Variants in SGCZ observed in about 807,000 individuals in gnomAD.
SGCZ encodes zeta-sarcoglycan.
In SGCZ, 40 loss-of-function variants were observed where a neutral mutation model predicts 41.3. That is an observed-to-expected ratio of 0.97 (90% CI 0.75 to 1.26). The LOEUF (loss-of-function observed/expected upper bound fraction) is 1.26. Among genes scored for constraint, SGCZ ranks in the 50% most tolerant of loss-of-function variants. The pLI is 0.00. For synonymous variants in SGCZ, 206 were observed against 137.5 expected, an observed-to-expected ratio of 1.50 and a Z score of -3.49; for missense variants, 552 against 369.8, an observed-to-expected ratio of 1.49 and a Z score of -4.04.
intron 2 of SGCZ, among the ~76,000 whole-genome samples, chr8:14,504,186 AGGAAAATT>A (rs1802237198): frequency 6.6e-6 from 1 of 152,218 alleles, no homozygotes; most frequent in Non-Finnish European, 1.5e-5. Context: ...CTGCTACAAG[AGGAAAATT>A]CAATTTGCCT....
At chr8:14,533,033 T>G (rs930524319) in intron 2 of SGCZ, among the ~76,000 whole-genome samples, 1 of 152,084 alleles carries the variant, frequency 6.6e-6, no homozygotes, top group Non-Finnish European at 1.5e-5. Flanking sequence ...CTAGTGTACA[T>G]GTGCACAAGG....
In SGCZ at chr8:14,679,515, T is replaced by C. The variant is rs571306766; in HGVS notation, c.40-124589A>G. 5.0e-3 allele frequency among the ~76,000 whole-genome samples: 490 copies of C among 97,324 alleles called. 4 individuals are homozygous for C. Among genetic ancestry groups the C allele is most frequent in the African/African-American group, 0.014 (463 of 33,670 alleles). 63.8% of individuals were successfully genotyped at this position (97,324 alleles called of 152,430 possible). On this transcript the variant is annotated intron_variant, in intron 1 of 7. Coordinates refer to ENST00000382080, the MANE Select transcript of SGCZ (RefSeq NM_139167.4). ...TATATATACATATATATTATATATA[T>C]ACACACATATATGTGCTTATAAAAT... is the stretch of plus-strand genomic sequence containing the variant.
In SGCZ at chr8:14,693,583, T is replaced by A. The variant is rs975015379; in HGVS notation, c.40-138657A>T. Among the ~76,000 whole-genome samples, 127 of 13,526 alleles carry A rather than the reference T, an allele frequency of 9.4e-3. 2 individuals are homozygous for A. Among genetic ancestry groups the A allele is most frequent in the East Asian group, 0.093 (115 of 1,232 alleles). The allele number at this position is 13,526 out of a possible 152,430, so 8.9% of individuals were successfully genotyped here. On this transcript the variant is annotated intron_variant, in intron 1 of 7. Coordinates refer to ENST00000382080, the MANE Select transcript of SGCZ (RefSeq NM_139167.4). ...ACAGGCGTCAGCTACCACGACTGGC[T>A]TTTTTTTTTTTTTTTTTTTTTTTTT...
At chr8:14,782,394 G>T (rs116123777) in intron 1 of SGCZ, among the ~76,000 whole-genome samples, 1 of 151,968 alleles carries the variant, frequency 6.6e-6, no homozygotes, top group Non-Finnish European at 1.5e-5. Flanking sequence ...GTTTTGTCTT[G>T]TTTTGTTTTT....
intron 1 of SGCZ, among the ~76,000 whole-genome samples, chr8:15,090,196 AG>A (rs1277236745): frequency 1.8e-4 from 28 of 152,240 alleles, no homozygotes; most frequent in African/African-American, 6.3e-4. Flanking sequence ...AAGCAAATTT[AG>A]TCTGTTACAA....
intron 2 of SGCZ, among the ~76,000 whole-genome samples, chr8:14,540,533 G>A (rs991983449): frequency 3.3e-5 from 5 of 149,966 alleles, no homozygotes; most frequent in African/African-American, 9.8e-5. Context: ...AGATTTTGGG[G>A]GTTGTTTCAA....
intron 1 of SGCZ, among the ~76,000 whole-genome samples, chr8:14,573,232 C>G (rs973254376): frequency 2.6e-5 from 3 of 114,250 alleles, no homozygotes; most frequent in East Asian, 3.0e-4. Context: ...GAGTCTCGCT[C>G]TGTCGCCCAG....
intron 1 of SGCZ, among the ~76,000 whole-genome samples, chr8:14,641,473 G>C (rs1424429770): frequency 2.0e-5 from 3 of 151,562 alleles, no homozygotes; most frequent in Non-Finnish European, 3.0e-5. Context: ...AACAATTCTA[G>C]GACGCTACAA....
At chr8:14,282,416 A>G (rs1315779726) in intron 3 of SGCZ, among the ~76,000 whole-genome samples, 1 of 152,158 alleles carries the variant, frequency 6.6e-6, no homozygotes, top group Non-Finnish European at 1.5e-5. Context: ...TTATGGCAGT[A>G]ACTATCTCTT....
chr8:14,427,349 AAAAC>A (rs1478503205), intron 2 of SGCZ, among the ~76,000 whole-genome samples: 2 of 152,292 alleles, frequency 1.3e-5, no homozygotes, highest in Admixed American at 6.5e-5. Context: ...AAAACAAAAT[AAAAC>A]AAACAAACAA....
intron 1 of SGCZ, among the ~76,000 whole-genome samples, chr8:15,063,622 T>C (rs1805020202): frequency 1.3e-5 from 2 of 152,198 alleles, no homozygotes; most frequent in Admixed American, 1.3e-4. Flanking sequence ...ACTGTCTTCA[T>C]TATTCTGAAA....
chr8:14,544,244 G>A (rs1176571523), intron 2 of SGCZ, among the ~76,000 whole-genome samples: 1 of 151,908 alleles, frequency 6.6e-6, no homozygotes, highest in African/African-American at 2.4e-5. Flanking sequence ...TGTTAATCTT[G>A]TTATCTTCAT....
At chr8:14,688,258 A>T (rs180931297) in intron 1 of SGCZ, among the ~76,000 whole-genome samples, 427 of 152,262 alleles carry the variant, frequency 2.8e-3, no homozygotes, top group African/African-American at 9.4e-3. Context: ...TTTAGACATG[A>T]AGTCCTTGCC....
Position 14,975,809 on chromosome 8 carries a change from A to ATATG in SGCZ, c.39+261775_39+261776insCATA, listed in dbSNP as rs1181919961. ...CACTTTTATATATATATATATATAT[A>ATATG]TGTGTGTGTGTGTGTAGAAATAGTT... On this transcript the variant is annotated intron_variant, in intron 1 of 7. Coordinates refer to ENST00000382080, the MANE Select transcript of SGCZ (RefSeq NM_139167.4). 5.7e-3 allele frequency among the ~76,000 whole-genome samples: 747 copies of ATATG among 131,860 alleles called. 12 individuals carry two copies. Among genetic ancestry groups the ATATG allele is most frequent in the South Asian group, 0.043 (189 of 4,394 alleles). 86.5% of individuals were successfully genotyped at this position (131,860 alleles called of 152,430 possible).
intron 2 of SGCZ, among the ~76,000 whole-genome samples, chr8:14,463,171 T>G (rs1800950535): frequency 6.6e-6 from 1 of 151,536 alleles, no homozygotes; most frequent in Admixed American, 6.6e-5. Context: ...TCATTTATTT[T>G]TACATATTTC....
chr8:15,050,137 C>A (rs1481327172), intron 1 of SGCZ, among the ~76,000 whole-genome samples: 1 of 152,156 alleles, frequency 6.6e-6, no homozygotes, highest in Non-Finnish European at 1.5e-5. Context: ...TTTACACGTA[C>A]AGTCTGTGTG....
chr8:14,850,691 A>G (rs754594726), intron 1 of SGCZ, among the ~76,000 whole-genome samples: 2 of 152,154 alleles, frequency 1.3e-5, no homozygotes, highest in Non-Finnish European at 2.9e-5. Flanking sequence ...TTGAATTGTA[A>G]TCCTCATAAT....
intron 1 of SGCZ, among the ~76,000 whole-genome samples, chr8:14,832,860 T>A (rs1802579090): frequency 6.6e-6 from 1 of 152,138 alleles, no homozygotes; most frequent in African/African-American, 2.4e-5. Context: ...TTGCATAAAA[T>A]AGGTAGGATG....
At chr8:15,048,270 T>C (rs1389990882) in intron 1 of SGCZ, among the ~76,000 whole-genome samples, 1 of 151,850 alleles carries the variant, frequency 6.6e-6, no homozygotes, top group Non-Finnish European at 1.5e-5. Context: ...ATGTGGGAGC[T>C]AGATAAGTGG....
Sources: allele counts gnomAD v4.1 joint callset (sites outside exome capture counted in the v4.1 genomes callset), GRCh38; gene constraint gnomAD v4.1.1; transcripts MANE v1.5; gene names NCBI Gene and HGNC (gene_info 2026-07-23, HGNC 2026-07-21).